The following CAMTA1 variants were observed in gnomAD, a reference collection of about 807,000 sequenced individuals.
The protein encoded by CAMTA1 is calmodulin binding transcription activator 1, also known as calmodulin-binding transcription activator 1.
CAMTA1 carries 27 observed loss-of-function variants against 170.9 expected under a neutral mutation model. The ratio of observed to expected loss-of-function variants is 0.16; its 90% confidence interval spans 0.12 to 0.22. The LOEUF is 0.22. Among genes scored for constraint, CAMTA1 ranks in the 10% least tolerant of loss-of-function variants. CAMTA1 has a pLI of 1.00. For missense variants in CAMTA1, 1,619 were observed against 2,217.2 expected (o/e 0.73, Z 5.42); for synonymous variants, 833 against 891.5 (o/e 0.93, Z 1.17).
chr1:7,487,736 G>A (rs1164423853), intron 6 of CAMTA1, among the ~76,000 whole-genome samples: 1 of 152,210 alleles, frequency 6.6e-6, no homozygotes, highest in Non-Finnish European at 1.5e-5. Context: ...GAAACTGAGT[G>A]TCCCCAAAGG....
At chr1:7,675,598 C>T (rs902222368) in intron 10 of CAMTA1, among the ~76,000 whole-genome samples, 14 of 152,118 alleles carry the variant, frequency 9.2e-5, no homozygotes, top group Non-Finnish European at 1.6e-4. Flanking sequence ...GCTGTGGCCC[C>T]CGGTGCTGGA....
intron 4 of CAMTA1, among the ~76,000 whole-genome samples, chr1:7,103,372 TACACAACTACACACGTAC>T (rs1442723797): frequency 7.3e-6 from 1 of 137,714 alleles, no homozygotes; most frequent in East Asian, 2.3e-4. Context: ...CACACATATA[TACACAACTACACACGTAC>T]ACACAACTAC....
intron 15 of CAMTA1, 91 bp from the exon 16 acceptor site, chr1:7,737,868 T>G: frequency 2.2e-6 from 3 of 1,351,566 alleles, no homozygotes; most frequent in Non-Finnish European, 3.0e-6. Flanking sequence ...GCTTTGCACT[T>G]TGTGTCTCTC....
chr1:7,552,786 G>A, intron 6 of CAMTA1, among the ~76,000 whole-genome samples: 1 of 152,242 alleles, frequency 6.6e-6, no homozygotes, highest in Non-Finnish European at 1.5e-5. Flanking sequence ...AGCTGGTGGA[G>A]GCCCCTGCCA....
intron 3 of CAMTA1, chr1:6,834,534 GA>G: frequency 4.0e-6 from 1 of 249,532 alleles, no homozygotes; most frequent in South Asian, 5.9e-5. Context: ...GTCAACTTCT[GA>G]AGGTGGTAGG....
At chr1:7,596,105 G>C (rs964617779) in intron 6 of CAMTA1, among the ~76,000 whole-genome samples, 1 of 152,232 alleles carries the variant, frequency 6.6e-6, no homozygotes, top group African/African-American at 2.4e-5. Flanking sequence ...TCAGGGAGGG[G>C]CCGCTGCAAT....
intron 3 of CAMTA1, among the ~76,000 whole-genome samples, chr1:7,000,658 G>C (rs1425338015): frequency 6.6e-6 from 1 of 152,132 alleles, no homozygotes; most frequent in Non-Finnish European, 1.5e-5. Context: ...CTCTGACTTT[G>C]GGTGCTTCTG....
At chr1:7,614,645 G>C (rs573077656) in intron 6 of CAMTA1, among the ~76,000 whole-genome samples, 1 of 152,216 alleles carries the variant, frequency 6.6e-6, no homozygotes, top group East Asian at 1.9e-4. Context: ...GCTCGTCACT[G>C]TTATCAACAG....
At chr1:7,583,251 G>A (rs770238593) in intron 6 of CAMTA1, among the ~76,000 whole-genome samples, 31 of 152,026 alleles carry the variant, frequency 2.0e-4, no homozygotes, top group Middle Eastern at 3.2e-3. Flanking sequence ...GAGGAGCCAA[G>A]CAGAGGCCCA....
chr1:7,479,691 C>A (rs531558967), intron 6 of CAMTA1, among the ~76,000 whole-genome samples: 44 of 152,318 alleles, frequency 2.9e-4, no homozygotes, highest in Admixed American at 2.5e-3. Context: ...AAGCCTGAAG[C>A]CTCTGGAACC....
intron 6 of CAMTA1, among the ~76,000 whole-genome samples, chr1:7,597,290 G>A (rs779228091): frequency 1.3e-5 from 2 of 152,182 alleles, no homozygotes; most frequent in African/African-American, 2.4e-5. Context: ...TAGAACTGGT[G>A]CGAGGACAAG....
chr1:7,191,432 C>T (rs532783370), intron 4 of CAMTA1, among the ~76,000 whole-genome samples: 2 of 152,288 alleles, frequency 1.3e-5, no homozygotes, highest in South Asian at 4.2e-4. Flanking sequence ...AATAGTGTTG[C>T]GTTTTCAAGA....
Position 7,463,060 on chromosome 1 carries a change from C to T in CAMTA1, c.439-4770C>T, listed in dbSNP as rs569965950. On this transcript the variant is annotated intron_variant, in intron 5 of 22. Coordinates refer to ENST00000303635, the MANE Select transcript of CAMTA1 (RefSeq NM_015215.4). The surrounding 1 kb of genome is among the most constrained non-coding windows in gnomAD (Gnocchi z 4.7). ...TTGTCCTGGTGAATGGCACTGTGTGCGGCAGAGCCTATAGGTGGGCACATA... is the reference window on the plus strand; with the variant it reads ...TTGTCCTGGTGAATGGCACTGTGTGTGGCAGAGCCTATAGGTGGGCACATA... 1.3e-4 allele frequency among the ~76,000 whole-genome samples: 20 copies of T among 152,282 alleles called. No individual in the cohort carries two copies. Among genetic ancestry groups the T allele is most frequent in the Admixed American group, 1.2e-3 (18 of 15,290 alleles).
intron 4 of CAMTA1, among the ~76,000 whole-genome samples, chr1:7,196,567 T>C (rs1655572786): frequency 6.6e-6 from 1 of 152,170 alleles, no homozygotes; most frequent in South Asian, 2.1e-4. Context: ...TTTGGAGTGA[T>C]TTATATGAAA....
rs1385895722 is a variant in CAMTA1, at chr1:7,677,615, T to C, written c.2796T>C (p.Leu932=). 3.7e-6 allele frequency: 6 copies of C among 1,614,118 alleles called. No homozygotes were observed. The highest frequency in any genetic ancestry group is 1.7e-4 in the Middle Eastern group (1 of 6,060). ...RCYCPAHDTG[L]VTLQVAFNNQ... ...CGCTTTCAGCCCATGACACTGGTCT[T>C]GTGACCCTACAAGTTGCCTTCAACA... The change falls in exon 11 of 23, where the codon CTT becomes CTC. Residue 932 remains leucine (L), a synonymous_variant. Coordinates refer to ENST00000303635, the MANE Select transcript of CAMTA1 (RefSeq NM_015215.4).
intron 3 of CAMTA1, among the ~76,000 whole-genome samples, chr1:6,981,604 T>C (rs535572704): frequency 6.6e-5 from 10 of 151,972 alleles, no homozygotes; most frequent in Non-Finnish European, 1.3e-4. Flanking sequence ...GGCTAATTTT[T>C]AATTTTTTTG....
At position 6,967,366 on chromosome 1, in the gene CAMTA1, G is replaced by C. The variant is rs116017645; in HGVS notation, c.235-123938G>C. On this transcript the variant is annotated intron_variant, in intron 3 of 22. Transcript: ENST00000303635. Reference sequence around the variant, plus strand: ...TGAAGGGAGTGAGATGGGGTGGGGTGGGGGGTGGAACTGCGTTTCCTCTGG... The same window carrying C: ...TGAAGGGAGTGAGATGGGGTGGGGTCGGGGGTGGAACTGCGTTTCCTCTGG... Among the ~76,000 whole-genome samples, 221 of 152,166 alleles carry C rather than the reference G, an allele frequency of 1.5e-3. 1 individual carries two copies. The highest frequency in any genetic ancestry group is 4.9e-3 in the African/African-American group (202 of 41,496).
rs959701563 is a variant in CAMTA1 at position 6,899,831 on chromosome 1, G to A, written c.234+74621G>A. Among the ~76,000 whole-genome samples, 10 of 152,306 alleles carry A rather than the reference G, an allele frequency of 6.6e-5. No homozygotes were observed. In the East Asian group the frequency reaches 1.4e-3, roughly 21 times the overall value. On this transcript the variant is annotated intron_variant, in intron 3 of 22. Coordinates refer to ENST00000303635, the MANE Select transcript of CAMTA1 (RefSeq NM_015215.4). ...ACAAGCCCTTGTCAAGTCCTTCATC[G>A]GTTGATCTGTTTCCTTGTTTCTGTG...
intron 3 of CAMTA1, among the ~76,000 whole-genome samples, chr1:6,972,464 G>T (rs969611601): frequency 1.3e-5 from 2 of 152,166 alleles, no homozygotes; most frequent in Non-Finnish European, 2.9e-5. Context: ...GCACTTCTGT[G>T]TGCTGATTTC....
Sources: allele counts gnomAD v4.1 joint callset (sites outside exome capture counted in the v4.1 genomes callset), GRCh38; gene constraint gnomAD v4.1.1; non-coding constraint Gnocchi (gnomAD v3.1); transcripts MANE v1.5; gene names NCBI Gene and HGNC (gene_info 2026-07-23, HGNC 2026-07-21).